The following BPIFA1 variants were observed in gnomAD, a reference collection of about 807,000 sequenced individuals.
BPIFA1 encodes the protein BPI fold-containing family A member 1.
BPIFA1 carries 24 observed loss-of-function variants against 25.1 expected under a neutral mutation model. The ratio of observed to expected loss-of-function variants is 0.96; its 90% confidence interval spans 0.69 to 1.35. The LOEUF (loss-of-function observed/expected upper bound fraction) is 1.35. BPIFA1 is among the 40% of genes most tolerant of loss of function. The pLI is 0.00. For missense variants in BPIFA1, 344 were observed against 303.7 expected (o/e 1.13, Z -0.99); for synonymous variants, 139 against 131.8 (o/e 1.05, Z -0.37).
intron 3 of BPIFA1, among the ~76,000 whole-genome samples, chr20:33,239,207 A>G (rs1978840566): frequency 2.0e-5 from 3 of 152,032 alleles, no homozygotes. Flanking sequence ...CAATGGGAGA[A>G]TGGCTTCCTT....
intron 4 of BPIFA1, 37 bp downstream of exon 4, chr20:33,239,947 A>C: frequency 1.3e-6 from 2 of 1,570,788 alleles, no homozygotes; most frequent in Non-Finnish European, 1.8e-6. Context: ...AGGATGGCTC[A>C]CCGAGGGAGA....
At position 33,238,122 on chromosome 20, in the gene BPIFA1, C is replaced by A. The variant is rs1568630242; in HGVS notation, c.228C>A (p.Ile76=). 1 of 1,613,966 alleles carries A rather than the reference C, an allele frequency of 6.2e-7. No homozygotes were observed. The highest frequency in any genetic ancestry group is 8.5e-7 in the Non-Finnish European group (1 of 1,179,964). The part of the protein sequence containing the change: ...GILENLPLLD[I]LKPGGGTSGG... ...TGGAAAACCTTCCGCTCCTGGACAT[C>A]CTGAAGCCTGGAGGAGGTACTTCTG... The change falls in exon 3 of 9, where the codon ATC becomes ATA. Residue 76 remains isoleucine (I), a synonymous_variant. Coordinates refer to ENST00000354297, the MANE Select transcript of BPIFA1 (RefSeq NM_130852.3).
intron 5 of BPIFA1, among the ~76,000 whole-genome samples, chr20:33,240,678 GATAGATAGATAAA>G (rs1288906278): frequency 0.01 from 1,500 of 149,238 alleles, 24 homozygotes; most frequent in African/African-American, 0.036. Context: ...TAGATAGATA[GATAGATAGATAAA>G]GTAGTACTTA....
At position 33,242,060 on chromosome 20, in the gene BPIFA1, GC is replaced by G; in HGVS notation, c.674del (p.Pro225LeufsTer22). On this transcript the variant is annotated frameshift_variant, in exon 7 of 9. Transcript: ENST00000354297. LOFTEE classifies it high-confidence loss of function. Reference protein sequence around the residue: ...VLPELVQGNVCPLVNEVLRGL... With the variant: ...VLPELVQGNVXPLVNEVLRGL... Reference sequence around the variant, plus strand: ...CTCCTCTCTGCCCCTGGCCAGGTGTGCCCTCTGGTCAATGAGGTTCTCAGAG... The same window carrying G: ...CTCCTCTCTGCCCCTGGCCAGGTGTGCCTCTGGTCAATGAGGTTCTCAGAG... The G allele has an allele frequency of 6.2e-7, 1 of 1,614,036 alleles. No homozygotes were observed. The highest frequency in any genetic ancestry group is 8.5e-7 in the Non-Finnish European group (1 of 1,179,918).
chr20:33,236,418 G>C (rs1229926092), intron 1 of BPIFA1, among the ~76,000 whole-genome samples: 1 of 152,080 alleles, frequency 6.6e-6, no homozygotes. Flanking sequence ...ATTCATAAAG[G>C]GTCTGTTGCC....
At chr20:33,242,595 G>A in intron 8 of BPIFA1, 34 bp downstream of exon 8, 4 of 1,527,352 alleles carry the variant, frequency 2.6e-6, no homozygotes, top group Non-Finnish European at 3.6e-6. Context: ...AGGGTTTTGG[G>A]GGCTGGCTGT....
intron 5 of BPIFA1, among the ~76,000 whole-genome samples, chr20:33,240,619 AATAG>A (rs11469892): frequency 0.067 from 9,902 of 148,056 alleles, 1,197 homozygotes; most frequent in African/African-American, 0.24. Flanking sequence ...GAGAAGGATG[AATAG>A]ATAGATGGAT....
At chr20:33,238,391 C>T (rs867202525) in intron 3 of BPIFA1, among the ~76,000 whole-genome samples, 177 bp downstream of exon 3, 1 of 152,286 alleles carries the variant, frequency 6.6e-6, no homozygotes, top group South Asian at 2.1e-4. Context: ...ACCCGTCCTC[C>T]CCAAACCAGC....
intron 5 of BPIFA1, among the ~76,000 whole-genome samples, chr20:33,240,813 C>A (rs1413492028): frequency 6.6e-6 from 1 of 152,118 alleles, no homozygotes; most frequent in African/African-American, 2.4e-5. Flanking sequence ...CTGTGTGAAC[C>A]TGGGTAGTGC....
At chr20:33,240,645 T>TGATAGATAGATAGATA (rs10677321) in intron 5 of BPIFA1, among the ~76,000 whole-genome samples, 36 of 142,960 alleles carry the variant, frequency 2.5e-4, no homozygotes, top group South Asian at 4.7e-4. Flanking sequence ...GATAGATAGA[T>TGATAGATAGATAGATA]GATAGATAGA....
chr20:33,242,535 A>T lies in BPIFA1; in HGVS notation c.*8A>T. 2.5e-6 allele frequency: 4 copies of T among 1,613,990 alleles called. No homozygotes were observed. The highest frequency in any genetic ancestry group is 3.4e-6 in the Non-Finnish European group (4 of 1,179,842). ...TTTGTCATCAAGGTCTAAGCCTTCCAGGAAGGGGCTGGCCTCTGCTGAGCT... is the reference window on the plus strand; with the variant it reads ...TTTGTCATCAAGGTCTAAGCCTTCCTGGAAGGGGCTGGCCTCTGCTGAGCT... On this transcript the variant is annotated 3_prime_UTR_variant, in exon 8 of 9. Coordinates refer to ENST00000354297, the MANE Select transcript of BPIFA1 (RefSeq NM_130852.3).
At chr20:33,237,965 G>C in intron 2 of BPIFA1, 90 bp from the exon 3 acceptor site, 1 of 1,536,034 alleles carries the variant, frequency 6.5e-7, no homozygotes, top group Non-Finnish European at 8.8e-7. Flanking sequence ...ACCCTGCAAA[G>C]TGGGGAGGGA....
At chr20:33,240,536 A>G in intron 5 of BPIFA1, 151 bp downstream of exon 5, 3 of 608,112 alleles carry the variant, frequency 4.9e-6, no homozygotes, top group Non-Finnish European at 8.5e-6. Flanking sequence ...GGAAAGATGG[A>G]TGGATGGATG....
At chr20:33,240,499 G>T (rs2146500716) in intron 5 of BPIFA1, 114 bp downstream of exon 5, 1 of 1,364,516 alleles carries the variant, frequency 7.3e-7, no homozygotes, top group East Asian at 2.4e-5. Context: ...TGAAAGGGTG[G>T]GAAAATGGAT....
rs1978765239 is a variant in BPIFA1 at position 33,237,899 on chromosome 20, TG to T, written c.160+29del. 8 of 31,654 alleles carry T rather than the reference TG, an allele frequency of 2.5e-4. No individual in the cohort carries two copies. The African/African-American group carries it at 0.013, about 53-fold the overall frequency. 2.0% of individuals were successfully genotyped at this position (31,654 alleles called of 1,614,324 possible). ...GAGTTTTCAGGGGTGTATGTGTGCA[TG>T]TGTGTGTGTGTGTGTGTGTGTGTGT... On this transcript the variant is annotated intron_variant, in intron 2 of 8. Transcript: ENST00000354297.
At chr20:33,239,453 C>G (rs560506128) in intron 3 of BPIFA1, among the ~76,000 whole-genome samples, 1 of 152,224 alleles carries the variant, frequency 6.6e-6, no homozygotes, top group African/African-American at 2.4e-5. Context: ...ACCCACCTTC[C>G]CATCAATCCA....
intron 3 of BPIFA1, among the ~76,000 whole-genome samples, chr20:33,238,749 G>A (rs1036964968): frequency 8.5e-5 from 13 of 152,180 alleles, no homozygotes; most frequent in South Asian, 4.1e-4. Context: ...AAGGTCTAAC[G>A]TGGAGTTTCC....
chr20:33,242,404 C>T (rs953012890), intron 7 of BPIFA1, 83 bp from the exon 8 acceptor site: 236 of 1,516,100 alleles, frequency 1.6e-4, no homozygotes, highest in Non-Finnish European at 2.1e-4. Flanking sequence ...CATTCCCTGG[C>T]CCCCCACCTT....
chr20:33,236,483 G>C (rs541065695), intron 1 of BPIFA1, among the ~76,000 whole-genome samples: 1 of 152,270 alleles, frequency 6.6e-6, no homozygotes, highest in East Asian at 1.9e-4. Context: ...GGGCACAACT[G>C]GCTCTTTGGA....
Sources: gnomAD v4.1 joint callset for allele counts (sites outside exome capture counted in the v4.1 genomes callset) on GRCh38, gnomAD v4.1.1 for gene constraint, MANE v1.5 for transcripts, NCBI Gene and HGNC (gene_info 2026-07-23, HGNC 2026-07-21) for gene names.